Variants in CALN1 observed in about 807,000 individuals in gnomAD.
CALN1 encodes the protein calneuron 1.
A neutral mutation model predicts 30.6 loss-of-function variants in CALN1; 17 were observed. The observed-to-expected ratio is 0.56, with a 90% CI of 0.38 to 0.83. CALN1 has a LOEUF of 0.83. Among genes scored for constraint, CALN1 ranks in the 40% least tolerant of loss-of-function variants. The pLI is 0.00. For missense variants in CALN1, 291 were observed against 354.9 expected, an observed-to-expected ratio of 0.82 and a Z score of 1.45; for synonymous variants, 156 against 131.4, an observed-to-expected ratio of 1.19 and a Z score of -1.28.
At chr7:72,082,347 C>T (rs1001838405) in intron 4 of CALN1, among the ~76,000 whole-genome samples, 1 of 152,202 alleles carries the variant, frequency 6.6e-6, no homozygotes, top group Non-Finnish European at 1.5e-5. Context: ...AGCGGAACAG[C>T]ATGCTGTACC....
chr7:72,425,001 G>A (rs1283706470), intron 1 of CALN1, among the ~76,000 whole-genome samples: 1 of 152,136 alleles, frequency 6.6e-6, no homozygotes, highest in Non-Finnish European at 1.5e-5. Context: ...GCTACACAGT[G>A]ATACAATCAA....
chr7:72,499,870 T>C, the CALN1 span, among the ~76,000 whole-genome samples: 2,388 of 72,276 alleles, frequency 0.033, 268 homozygotes, highest in East Asian at 0.07. Flanking sequence ...TCTTTCTTTC[T>C]TTCTTTCTTT....
Position 72,146,994 on chromosome 7 carries a change from A to G in CALN1, c.245-40700T>C, listed in dbSNP as rs1208557241. On this transcript the variant is annotated intron_variant, in intron 3 of 6. Coordinates refer to ENST00000395275, the MANE Select transcript of CALN1 (RefSeq NM_031468.4). The stretch of plus-strand genomic sequence containing the variant: ...AAGATGGATTAAAGACTTACATGTT[A>G]GACCTAAAACCATAAAAACCCTAGA... Among the ~76,000 whole-genome samples the G allele has an allele frequency of 2.0e-5, 3 of 152,254 alleles. No homozygotes were observed. In the East Asian group the frequency reaches 5.8e-4, roughly 29 times the overall value.
chr7:71,858,966 A>G (rs1487037970), intron 5 of CALN1, among the ~76,000 whole-genome samples: 2 of 152,348 alleles, frequency 1.3e-5, no homozygotes, highest in East Asian at 1.9e-4. Context: ...TGTCTCGGAT[A>G]TTTTGAGTTC....
chr7:72,287,226 C>T (rs756509269), intron 2 of CALN1, among the ~76,000 whole-genome samples: 4 of 152,104 alleles, frequency 2.6e-5, no homozygotes, highest in Non-Finnish European at 4.4e-5. Context: ...CCTCCCTCCA[C>T]AGTGACAACT....
chr7:71,883,130 T>TATATAG (rs1792685612), intron 5 of CALN1, among the ~76,000 whole-genome samples: 1 of 152,154 alleles, frequency 6.6e-6, no homozygotes, highest in Admixed American at 6.5e-5. Flanking sequence ...TCTATAGCTC[T>TATATAG]ATATCTATAT....
chr7:71,795,814 CT>C (rs55667543), intron 6 of CALN1, among the ~76,000 whole-genome samples: 1,424 of 98,452 alleles, frequency 0.014, 8 homozygotes, highest in African/African-American at 0.054. Context: ...GTACTTCATT[CT>C]TTTTTTTTTT....
intron 3 of CALN1, among the ~76,000 whole-genome samples, chr7:72,167,148 A>C (rs1296534588): frequency 2.0e-5 from 3 of 152,214 alleles, no homozygotes; most frequent in Non-Finnish European, 2.9e-5. Flanking sequence ...ATGGCTTTCT[A>C]GGTTCTAAGT....
chr7:72,320,068 C>G (rs553020225), intron 2 of CALN1, among the ~76,000 whole-genome samples: 12 of 152,234 alleles, frequency 7.9e-5, no homozygotes, highest in Non-Finnish European at 1.8e-4. Flanking sequence ...CTGCAGTGAG[C>G]TGAGATCGTG....
At chr7:72,458,200 T>G in the CALN1 span, among the ~76,000 whole-genome samples, 1 of 119,352 alleles carries the variant, frequency 8.4e-6, no homozygotes, top group Admixed American at 1.1e-4. Flanking sequence ...TATTATAATA[T>G]ATAATATATT....
intron 5 of CALN1, among the ~76,000 whole-genome samples, chr7:71,943,171 A>T (rs981413225): frequency 4.6e-5 from 7 of 152,294 alleles, no homozygotes; most frequent in African/African-American, 1.7e-4. Flanking sequence ...GGCAAAATAA[A>T]CTTTCTAAAT....
chr7:72,403,085 G>T (rs1049200197), intron 2 of CALN1, among the ~76,000 whole-genome samples, 166 bp downstream of exon 2: 2 of 152,134 alleles, frequency 1.3e-5, no homozygotes, highest in Non-Finnish European at 2.9e-5. Context: ...AAAGGGGATA[G>T]AATCTCTGTA....
At chr7:72,269,710 A>C (rs1796845795) in intron 3 of CALN1, among the ~76,000 whole-genome samples, 1 of 152,196 alleles carries the variant, frequency 6.6e-6, no homozygotes, top group Non-Finnish European at 1.5e-5. Flanking sequence ...TAGAACAAAA[A>C]TCAGCACTCT....
At chr7:71,991,721 T>G (rs1798964555) in intron 5 of CALN1, among the ~76,000 whole-genome samples, 1 of 152,220 alleles carries the variant, frequency 6.6e-6, no homozygotes, top group African/African-American at 2.4e-5. Flanking sequence ...TAAAAGTAGT[T>G]CCAGTGAGGC....
chr7:71,790,105 GGAGA>G (rs565036407), intron 6 of CALN1, among the ~76,000 whole-genome samples: 7 of 147,662 alleles, frequency 4.7e-5, no homozygotes, highest in African/African-American at 1.0e-4. Flanking sequence ...AGACCCTGCA[GGAGA>G]GAGAGAGAGA....
chr7:72,092,467 T>C (rs1452468831), intron 4 of CALN1, among the ~76,000 whole-genome samples: 1 of 151,848 alleles, frequency 6.6e-6, no homozygotes, highest in South Asian at 2.1e-4. Context: ...TATACACACA[T>C]TCCGTGTCAT....
At chr7:71,829,545 T>C (rs1196831875) in intron 5 of CALN1, among the ~76,000 whole-genome samples, 1 of 152,254 alleles carries the variant, frequency 6.6e-6, no homozygotes, top group Non-Finnish European at 1.5e-5. Context: ...AGGGCTTTTA[T>C]GCCAAGAGCT....
chr7:71,994,511 C>CAAAAA (rs367725464), intron 5 of CALN1, among the ~76,000 whole-genome samples: 6 of 43,984 alleles, frequency 1.4e-4, no homozygotes, highest in African/African-American at 3.4e-4. Context: ...GACTTCATCT[C>CAAAAA]AAAAAAAAAA....
At chr7:72,078,621 C>T (rs150952166) in intron 4 of CALN1, among the ~76,000 whole-genome samples, 61 of 152,200 alleles carry the variant, frequency 4.0e-4, no homozygotes, top group African/African-American at 1.2e-3. Flanking sequence ...AGGGCCCCTC[C>T]GCCTTCTGAG....
Sources: gnomAD v4.1 joint callset for allele counts (sites outside exome capture counted in the v4.1 genomes callset) on GRCh38, gnomAD v4.1.1 for gene constraint, MANE v1.5 for transcripts, NCBI Gene and HGNC (gene_info 2026-07-23, HGNC 2026-07-21) for gene names.